The following LRBA variants were observed in gnomAD, a reference collection of about 807,000 sequenced individuals.
LRBA encodes lipopolysaccharide-responsive and beige-like anchor protein.
LRBA carries 176 observed loss-of-function variants against 330.0 expected under a neutral mutation model. The ratio of observed to expected loss-of-function variants is 0.53; its 90% CI spans 0.47 to 0.60. The LOEUF (loss-of-function observed/expected upper bound fraction) is 0.60. LRBA is among the 20% of genes least tolerant of loss of function. The pLI is 0.00. For synonymous variants in LRBA, 1,230 were observed against 1,193.0 expected (o/e 1.03, Z -0.64); for missense variants, 3,259 against 3,444.8 (o/e 0.95, Z 1.35).
intron 37 of LRBA, among the ~76,000 whole-genome samples, chr4:150,642,583 G>C (rs1036117542): frequency 6.6e-6 from 1 of 151,696 alleles, no homozygotes; most frequent in African/African-American, 2.4e-5. Context: ...TTAGATGAAG[G>C]GTTATGTGAA....
intron 36 of LRBA, among the ~76,000 whole-genome samples, chr4:150,723,062 G>A (rs1203929887): frequency 6.6e-6 from 1 of 152,076 alleles, no homozygotes; most frequent in Admixed American, 6.6e-5. Context: ...GAGTTTCTTG[G>A]CAAGCCTCGC....
intron 49 of LRBA, among the ~76,000 whole-genome samples, chr4:150,322,862 A>G (rs1732706317): frequency 6.6e-6 from 1 of 152,206 alleles, no homozygotes; most frequent in African/African-American, 2.4e-5. Context: ...AGGGGGATAC[A>G]GCAACAGCAG....
chr4:150,861,336 G>A (rs1048972346), intron 22 of LRBA, among the ~76,000 whole-genome samples: 10 of 149,634 alleles, frequency 6.7e-5, no homozygotes, highest in African/African-American at 2.5e-4. Flanking sequence ...ATGTTGCCCA[G>A]GCTGGTCTCA....
intron 37 of LRBA, among the ~76,000 whole-genome samples, chr4:150,604,505 T>A (rs1459081508): frequency 1.3e-5 from 2 of 152,168 alleles, no homozygotes; most frequent in African/African-American, 4.8e-5. Context: ...CCAATATATT[T>A]TCTAATAACA....
At chr4:150,673,066 CA>C (rs1452409029) in intron 37 of LRBA, among the ~76,000 whole-genome samples, 1 of 152,104 alleles carries the variant, frequency 6.6e-6, no homozygotes, top group African/African-American at 2.4e-5. Flanking sequence ...GCCAGAAAAC[CA>C]GTTGTATACT....
At chr4:150,806,438 CA>C in intron 32 of LRBA, 34 bp from the exon 33 acceptor site, 1 of 1,430,008 alleles carries the variant, frequency 7.0e-7, no homozygotes, top group South Asian at 1.6e-5. Flanking sequence ...TTGAACTATT[CA>C]ACAGATTGTA....
chr4:150,850,819 C>A lies in LRBA; in HGVS notation c.3909G>T (p.Val1303=). Residue 1303 remains valine, a synonymous_variant, in exon 24 of 57, where the codon GTG becomes GTT. Coordinates refer to ENST00000651943, the MANE Select transcript of LRBA (RefSeq NM_001364905.1). The stretch of plus-strand genomic sequence containing the variant: ...ACCAGTTGAACTCAGGAATACGAAA[C>A]ACAGTAGATCTGGAATCCCTCCTTT... The part of the protein sequence containing the change: ...NGQRRDSRST[V]FRIPEFNWSQ... 1 of 1,613,826 alleles carries A rather than the reference C, an allele frequency of 6.2e-7. No individual in the cohort carries two copies. Among genetic ancestry groups the A allele is most frequent in the Non-Finnish European group, 8.5e-7 (1 of 1,179,796 alleles).
chr4:150,396,863 A>G (rs1361106879), intron 47 of LRBA, among the ~76,000 whole-genome samples: 1 of 152,182 alleles, frequency 6.6e-6, no homozygotes, highest in Non-Finnish European at 1.5e-5. Flanking sequence ...TCACACACAT[A>G]AACATATATA....
intron 30 of LRBA, among the ~76,000 whole-genome samples, chr4:150,822,064 T>A (rs528039539): frequency 1.3e-5 from 2 of 151,864 alleles, no homozygotes; most frequent in African/African-American, 4.8e-5. Context: ...AGCATGAAAG[T>A]TTTTACAAAG....
chr4:150,517,092 T>A (rs1762433780), intron 40 of LRBA, among the ~76,000 whole-genome samples: 1 of 152,188 alleles, frequency 6.6e-6, no homozygotes, highest in Admixed American at 6.5e-5. Context: ...TGGAGTGAGA[T>A]AAACAAACAT....
At chr4:150,512,583 G>C (rs1761939984) in intron 40 of LRBA, among the ~76,000 whole-genome samples, 1 of 152,048 alleles carries the variant, frequency 6.6e-6, no homozygotes, top group African/African-American at 2.4e-5. Flanking sequence ...CTCCACACCA[G>C]AATCTACCAT....
chr4:150,362,371 C>G, intron 47 of LRBA, among the ~76,000 whole-genome samples: 1 of 152,128 alleles, frequency 6.6e-6, no homozygotes, highest in Admixed American at 6.6e-5. Context: ...TTCAGTTATT[C>G]TATCGGTATC....
chr4:150,525,719 T>TG (rs555291924), intron 40 of LRBA, among the ~76,000 whole-genome samples: 164 of 152,330 alleles, frequency 1.1e-3, no homozygotes, highest in Non-Finnish European at 1.5e-3. Flanking sequence ...CACATACTTA[T>TG]ATCTGATTTC....
At chr4:150,302,542 C>T (rs1729806888) in intron 53 of LRBA, 83 bp downstream of exon 53, 1 of 854,588 alleles carries the variant, frequency 1.2e-6, no homozygotes, top group Non-Finnish European at 1.7e-6. Flanking sequence ...CTCACTTTTA[C>T]CATAACAAAA....
At chr4:150,443,854 AT>A (rs1403653706) in intron 44 of LRBA, among the ~76,000 whole-genome samples, 2,815 of 19,234 alleles carry the variant, frequency 0.15, 38 homozygotes, top group South Asian at 0.27. Context: ...AATTAAAAAA[AT>A]ATATATATAT....
intron 56 of LRBA, among the ~76,000 whole-genome samples, chr4:150,270,449 T>G (rs1352227864): frequency 6.6e-6 from 1 of 152,270 alleles, no homozygotes; most frequent in East Asian, 1.9e-4. Flanking sequence ...ACAACAAATA[T>G]TGTATGATTC....
chr4:150,668,424 C>G (rs1293422081), intron 37 of LRBA, among the ~76,000 whole-genome samples: 9 of 152,184 alleles, frequency 5.9e-5, no homozygotes, highest in African/African-American at 2.2e-4. Context: ...TAGGACCAAA[C>G]AAGCTATAGG....
At chr4:150,704,551 A>T (rs1304221871) in intron 36 of LRBA, among the ~76,000 whole-genome samples, 1 of 152,066 alleles carries the variant, frequency 6.6e-6, no homozygotes, top group East Asian at 1.9e-4. Context: ...TTTTAAAAGA[A>T]TTTTTGATTT....
chr4:150,770,260 A>C (rs1736375660), intron 34 of LRBA, among the ~76,000 whole-genome samples: 1 of 152,166 alleles, frequency 6.6e-6, no homozygotes, highest in Non-Finnish European at 1.5e-5. Context: ...TTTAGACAGC[A>C]GATCATGGGA....
Sources: allele counts gnomAD v4.1 joint callset (sites outside exome capture counted in the v4.1 genomes callset), GRCh38; gene constraint gnomAD v4.1.1; transcripts MANE v1.5; gene names NCBI Gene and HGNC (gene_info 2026-07-23, HGNC 2026-07-21).